TBC1D9: variants seen among roughly 807,000 people sequenced by gnomAD.
The protein encoded by TBC1D9 is TBC1 domain family member 9.
In TBC1D9, 63 loss-of-function variants were observed where a neutral mutation model predicts 132.0. The observed-to-expected ratio is 0.48, with a 90% confidence interval of 0.39 to 0.59. TBC1D9 has a LOEUF of 0.59. Ranked by LOEUF, TBC1D9 falls within the 20% of genes least tolerant of loss-of-function variation. The pLI is 0.00. For missense variants in TBC1D9, 1,261 were observed against 1,592.7 expected (o/e 0.79, Z 3.54); for synonymous variants, 610 against 609.9 (o/e 1.00, Z 0.00).
intron 1 of TBC1D9, among the ~76,000 whole-genome samples, chr4:140,747,735 T>TG (rs1553975563): frequency 1.3e-5 from 2 of 152,100 alleles, no homozygotes; most frequent in African/African-American, 4.8e-5. Flanking sequence ...AATCCTGGAC[T>TG]GGGGGGACCA....
intron 13 of TBC1D9, chr4:140,644,112 T>C (rs1737058768): frequency 5.3e-6 from 2 of 378,204 alleles, no homozygotes; most frequent in Non-Finnish European, 1.0e-5. Flanking sequence ...GCCATCCGCA[T>C]CGGCGGCCAC....
At chr4:140,748,077 AACAG>A (rs1262084719) in intron 1 of TBC1D9, among the ~76,000 whole-genome samples, 1 of 152,190 alleles carries the variant, frequency 6.6e-6, no homozygotes, top group Non-Finnish European at 1.5e-5. Flanking sequence ...TAGGAGAAAA[AACAG>A]ACAGCAGAAC....
At chr4:140,663,488 T>G (rs1203016417) in intron 9 of TBC1D9, among the ~76,000 whole-genome samples, 2 of 152,136 alleles carry the variant, frequency 1.3e-5, no homozygotes, top group Non-Finnish European at 2.9e-5. Context: ...AGTATAGAGA[T>G]TCCTTAAACT....
intron 16 of TBC1D9, among the ~76,000 whole-genome samples, chr4:140,632,419 T>C (rs1578814692): frequency 6.6e-6 from 1 of 152,182 alleles, no homozygotes; most frequent in Non-Finnish European, 1.5e-5. Flanking sequence ...ATATCACTTG[T>C]GTAACTAAAA....
At chr4:140,689,346 C>A (rs1737837342) in intron 2 of TBC1D9, among the ~76,000 whole-genome samples, 1 of 152,116 alleles carries the variant, frequency 6.6e-6, no homozygotes, top group South Asian at 2.1e-4. Flanking sequence ...AGCCATAAGA[C>A]CTATCAGCTT....
chr4:140,686,740 A>G (rs1737788064), intron 2 of TBC1D9, among the ~76,000 whole-genome samples: 1 of 152,168 alleles, frequency 6.6e-6, no homozygotes, highest in Admixed American at 6.6e-5. Context: ...GAAGGCAGCA[A>G]TATTTCTCAA....
intron 1 of TBC1D9, among the ~76,000 whole-genome samples, chr4:140,736,271 T>C (rs1335099276): frequency 1.3e-5 from 2 of 152,100 alleles, no homozygotes; most frequent in African/African-American, 4.8e-5. Context: ...CTGGACACGA[T>C]GGCTCACATC....
intron 2 of TBC1D9, among the ~76,000 whole-genome samples, chr4:140,700,029 G>A (rs1401554477): frequency 3.9e-5 from 6 of 152,100 alleles, no homozygotes; most frequent in South Asian, 4.1e-4. Flanking sequence ...AATTGCAGTG[G>A]CTCATGCTTG....
At chr4:140,741,353 C>T (rs1738755470) in intron 1 of TBC1D9, among the ~76,000 whole-genome samples, 1 of 152,152 alleles carries the variant, frequency 6.6e-6, no homozygotes, top group Non-Finnish European at 1.5e-5. Flanking sequence ...AATCCCTTTC[C>T]CTTTCCAAAT....
At chr4:140,627,659 G>A (rs1371341439) in intron 17 of TBC1D9, 132 bp from the exon 18 acceptor site, 6 of 631,052 alleles carry the variant, frequency 9.5e-6, no homozygotes, top group African/African-American at 1.8e-5. Context: ...GGGGCCTTGA[G>A]TGCCTACTGT....
chr4:140,749,711 T>G (rs984423908), intron 1 of TBC1D9, among the ~76,000 whole-genome samples: 3 of 152,092 alleles, frequency 2.0e-5, no homozygotes, highest in African/African-American at 7.2e-5. Context: ...ATAAATCAAC[T>G]ATCTGCTATT....
chr4:140,668,876 C>G, intron 9 of TBC1D9, 41 bp downstream of exon 9: 1 of 1,607,438 alleles, frequency 6.2e-7, no homozygotes, highest in Non-Finnish European at 8.5e-7. Context: ...TGTGGAGTCC[C>G]ACAGACTTTG....
intron 1 of TBC1D9, among the ~76,000 whole-genome samples, chr4:140,747,295 T>C (rs989209658): frequency 6.6e-6 from 1 of 151,548 alleles, no homozygotes; most frequent in Non-Finnish European, 1.5e-5. Context: ...GAGATTGCAG[T>C]GAGCCAAGAG....
chr4:140,642,600 T>C, intron 13 of TBC1D9: 1 of 871,440 alleles, frequency 1.1e-6, no homozygotes, highest in South Asian at 1.6e-5. Flanking sequence ...TCCATCTTCT[T>C]CTTCTTAATC....
intron 15 of TBC1D9, among the ~76,000 whole-genome samples, chr4:140,634,994 A>G (rs940924330): frequency 6.6e-6 from 1 of 152,190 alleles, no homozygotes. Context: ...TAGGAAGACC[A>G]CACAAAAAAG....
At chr4:140,644,936 C>T (rs1737079094) in intron 13 of TBC1D9, 1 of 453,106 alleles carries the variant, frequency 2.2e-6, no homozygotes, top group Non-Finnish European at 4.4e-6. Flanking sequence ...GGGCCATGCC[C>T]TAGTGCAGAG....
At chr4:140,638,973 A>G in intron 15 of TBC1D9, 113 bp downstream of exon 15, 1 of 735,596 alleles carries the variant, frequency 1.4e-6, no homozygotes, top group Non-Finnish European at 2.2e-6. Flanking sequence ...TCTCAGCTCT[A>G]GCTTCCTATT....
chr4:140,731,666 C>CGT (rs1738591813), intron 1 of TBC1D9, among the ~76,000 whole-genome samples: 2 of 131,012 alleles, frequency 1.5e-5, no homozygotes, highest in South Asian at 6.1e-4. Context: ...TTTTAAAACA[C>CGT]ATACACACAC....
At chr4:140,627,994 C>A (rs977239225) in intron 17 of TBC1D9, among the ~76,000 whole-genome samples, 1 of 152,186 alleles carries the variant, frequency 6.6e-6, no homozygotes, top group Non-Finnish European at 1.5e-5. Context: ...AATGTTCCTA[C>A]GCTCCTTTTC....
Sources: allele counts gnomAD v4.1 joint callset (sites outside exome capture counted in the v4.1 genomes callset), GRCh38; gene constraint gnomAD v4.1.1; transcripts MANE v1.5; gene names NCBI Gene and HGNC (gene_info 2026-07-23, HGNC 2026-07-21).